The following SRCIN1 variants were observed in gnomAD, a reference collection of about 807,000 sequenced individuals.
SRCIN1 encodes the protein P130Cas-associated protein.
In SRCIN1, 50 loss-of-function variants were observed where a neutral mutation model predicts 116.2. The ratio of observed to expected loss-of-function variants is 0.43; its 90% CI spans 0.34 to 0.54. The LOEUF (loss-of-function observed/expected upper bound fraction) is 0.54, where lower values mean the gene tolerates loss of function less well. SRCIN1 is among the 20% of genes least tolerant of loss of function. The pLI, the probability that SRCIN1 is intolerant of heterozygous loss-of-function variation, is 0.02. For missense variants in SRCIN1, 1,446 were observed against 1,672.0 expected, an observed-to-expected ratio of 0.86 and a Z score of 2.36; for synonymous variants, 736 against 750.0, an observed-to-expected ratio of 0.98 and a Z score of 0.30.
chr17:38,563,950 CGAGA>C lies in SRCIN1; in HGVS notation c.541+164_541+167del. Reference sequence around the variant, plus strand: ...AGGGGTCGGGTGGGGATGCTGAGGGCGAGAGAGAGATGGAGAGAGCTGGGGTTGC... The same window carrying C: ...AGGGGTCGGGTGGGGATGCTGAGGGCGAGAGATGGAGAGAGCTGGGGTTGC... On this transcript the variant is annotated intron_variant, in intron 4 of 18. Transcript: ENST00000617146. This position sits in a 1 kb window ranked among gnomAD's most constrained non-coding sequence, Gnocchi z 5.8. 2 of 739,610 alleles carry C rather than the reference CGAGA, an allele frequency of 2.7e-6. No homozygotes were observed. The highest frequency in any genetic ancestry group is 5.3e-5 in the Admixed American group (2 of 37,744). 45.8% of individuals were successfully genotyped at this position (739,610 alleles called of 1,614,324 possible). A position where few individuals can be genotyped will look rare whatever the true frequency, so the allele number is the denominator to read the frequency against.
rs1192896026 is a variant in SRCIN1, at chr17:38,532,821, C to G, written c.*476G>C. On this transcript the variant is annotated 3_prime_UTR_variant, in exon 19 of 19. Transcript: ENST00000617146. This position sits in a 1 kb window ranked among gnomAD's most constrained non-coding sequence, Gnocchi z 4.3. ...TGTATGGGTTGGTCCGATGTCCCCG[C>G]GTTCCTCCAGGAAGGTATCGAGAAA... The G allele has an allele frequency of 6.5e-6, 1 of 153,212 alleles. No homozygotes were observed. Among genetic ancestry groups the G allele is most frequent in the Non-Finnish European group, 1.5e-5 (1 of 68,860 alleles). 9.5% of individuals were successfully genotyped at this position (153,212 alleles called of 1,614,324 possible). A position where few individuals can be genotyped will look rare whatever the true frequency, so the allele number is the denominator to read the frequency against.
rs1597898533 is a variant in SRCIN1, at chr17:38,556,634, G to T, written c.2201+1593C>A. Reference sequence around the variant, plus strand: ...GAGCTGGGCAGGGAGGGCCTTCATGGCCAGGTTGGAGCCCAGTATCTGCCC... The same window carrying T: ...GAGCTGGGCAGGGAGGGCCTTCATGTCCAGGTTGGAGCCCAGTATCTGCCC... On this transcript the variant is annotated intron_variant, in intron 11 of 18. Transcript: ENST00000617146. Among the ~76,000 whole-genome samples the T allele has an allele frequency of 2.6e-5, 4 of 152,360 alleles. No individual in the cohort carries two copies. In the South Asian group the frequency reaches 8.3e-4, roughly 32 times the overall value.
chr17:38,565,996 G>C (rs1329884824), intron 3 of SRCIN1, among the ~76,000 whole-genome samples: 1 of 152,194 alleles, frequency 6.6e-6, no homozygotes, highest in Non-Finnish European at 1.5e-5. Context: ...CAGCTGAAGG[G>C]CGGGGAGCTC....
At position 38,563,288 on chromosome 17, in the gene SRCIN1, G is replaced by A. The variant is rs1906410137; in HGVS notation, c.740+35C>T. 2.6e-6 allele frequency: 4 copies of A among 1,553,344 alleles called. No homozygotes were observed. The highest frequency in any genetic ancestry group is 3.5e-6 in the Non-Finnish European group (4 of 1,148,290). On this transcript the variant is annotated intron_variant, in intron 5 of 18. Transcript: ENST00000617146. The surrounding 1 kb of genome is among the most constrained non-coding windows in gnomAD (Gnocchi z 5.8). ...GCACCCTGCAGAGGAGGAGCGTGGG[G>A]AAGCCCACCCAAATCCCCCCCGGTC... is the stretch of plus-strand genomic sequence containing the variant.
At chr17:38,578,830 G>C (rs1458905725) in intron 1 of SRCIN1, 39 bp from the exon 2 acceptor site, 3 of 1,450,968 alleles carry the variant, frequency 2.1e-6, no homozygotes, top group Non-Finnish European at 2.7e-6. Flanking sequence ...GTCACGGCGC[G>C]CCCGGCCTGG....
rs545493538 is a variant in SRCIN1 at position 38,572,749 on chromosome 17, G to A, written c.325-4518C>T. The A allele has an allele frequency of 5.9e-5, 9 of 152,654 alleles. No individual in the cohort carries two copies. In the South Asian group the frequency reaches 1.6e-3, roughly 27 times the overall value. The allele number at this position is 152,654 out of a possible 1,614,324, so 9.5% of individuals were successfully genotyped here. A position where few individuals can be genotyped will look rare whatever the true frequency, so the allele number is the denominator to read the frequency against. ...GGAGGGAGGGCCCCTACTCCCACCC[G>A]CCCGGGCTCTTCTCTCCCCCGGCCG... On this transcript the variant is annotated intron_variant, in intron 2 of 18. Coordinates refer to ENST00000617146, the MANE Select transcript of SRCIN1 (RefSeq NM_025248.3). This position sits in a 1 kb window ranked among gnomAD's most constrained non-coding sequence, Gnocchi z 4.3.
Position 38,586,602 on chromosome 17 carries a change from T to A in SRCIN1, c.23-7811A>T, listed in dbSNP as rs552185091. 1.1e-4 allele frequency among the ~76,000 whole-genome samples: 16 copies of A among 152,082 alleles called. 1 individual carries two copies. In the South Asian group the frequency reaches 3.3e-3, roughly 32 times the overall value. On this transcript the variant is annotated intron_variant, in intron 1 of 18. Coordinates refer to ENST00000617146, the MANE Select transcript of SRCIN1 (RefSeq NM_025248.3). ...GCCTATGACCCTGTGGTCTCTTCCA[T>A]CCCCCTGCCCAGGGAATACTGCCAC...
intron 2 of SRCIN1, among the ~76,000 whole-genome samples, chr17:38,571,297 C>T (rs1171865629): frequency 1.3e-5 from 2 of 152,196 alleles, no homozygotes; most frequent in Non-Finnish European, 2.9e-5. Context: ...GTGCCCAGTA[C>T]AGTACCTGGT....
At chr17:38,548,425 C>G in intron 17 of SRCIN1, 132 bp downstream of exon 17, 2 of 1,100,650 alleles carry the variant, frequency 1.8e-6, no homozygotes, top group Non-Finnish European at 2.6e-6. Context: ...AGGCTGGGGT[C>G]TGAACAGCCA....
At chr17:38,586,009 G>A (rs1908094146) in intron 1 of SRCIN1, among the ~76,000 whole-genome samples, 1 of 152,176 alleles carries the variant, frequency 6.6e-6, no homozygotes, top group Admixed American at 6.5e-5. Flanking sequence ...CACTTCAGGA[G>A]AGTCTGCCTG....
intron 2 of SRCIN1, among the ~76,000 whole-genome samples, chr17:38,569,686 C>A (rs1261145163): frequency 6.6e-6 from 1 of 151,688 alleles, no homozygotes; most frequent in African/African-American, 2.4e-5. Flanking sequence ...CAACAACAAC[C>A]AAAAAAAACA....
intron 2 of SRCIN1, among the ~76,000 whole-genome samples, chr17:38,574,577 G>A (rs1231294959): frequency 2.0e-5 from 3 of 152,102 alleles, no homozygotes; most frequent in African/African-American, 4.8e-5. Context: ...GCAAGGTCAG[G>A]GGACTTCTGT....
intron 18 of SRCIN1, 112 bp from the exon 19 acceptor site, chr17:38,533,543 T>C: frequency 1.4e-6 from 1 of 694,004 alleles, no homozygotes; most frequent in East Asian, 7.8e-5. Context: ...GGAAATTAAC[T>C]GCAAAAGGAA....
At chr17:38,554,667 T>C (rs1160266725) in intron 11 of SRCIN1, among the ~76,000 whole-genome samples, 13 of 152,194 alleles carry the variant, frequency 8.5e-5, no homozygotes, top group Non-Finnish European at 4.4e-5. Context: ...CTCCGGTTTC[T>C]AGCACCTGGC....
chr17:38,599,976 ATTGT>A (rs1267006748), intron 1 of SRCIN1, among the ~76,000 whole-genome samples: 21 of 152,168 alleles, frequency 1.4e-4, no homozygotes, highest in South Asian at 4.1e-4. Context: ...CTCATAATTG[ATTGT>A]TTATTATCCC....
At chr17:38,535,064 G>A (rs1327825638) in intron 18 of SRCIN1, among the ~76,000 whole-genome samples, 1 of 152,178 alleles carries the variant, frequency 6.6e-6, no homozygotes, top group Non-Finnish European at 1.5e-5. Context: ...CTCAGGAGGT[G>A]GAAGTGGCAG....
chr17:38,547,591 AG>A (rs763532453), intron 17 of SRCIN1, among the ~76,000 whole-genome samples: 1 of 151,806 alleles, frequency 6.6e-6, no homozygotes, highest in Non-Finnish European at 1.5e-5. Flanking sequence ...CTGTCCTTGG[AG>A]TGGGGGAGGG....
intron 1 of SRCIN1, among the ~76,000 whole-genome samples, chr17:38,583,042 T>C (rs978591411): frequency 7.9e-5 from 12 of 152,298 alleles, no homozygotes; most frequent in Admixed American, 7.8e-4. Flanking sequence ...CCTGGGTGTC[T>C]TAGCAACTTT....
At chr17:38,537,138 AC>A (rs1249279171) in intron 18 of SRCIN1, among the ~76,000 whole-genome samples, 8 of 152,044 alleles carry the variant, frequency 5.3e-5, no homozygotes, top group African/African-American at 1.9e-4. Context: ...AGATCGCACC[AC>A]TGCACTCCAG....
Sources: gnomAD v4.1 joint callset for allele counts (sites outside exome capture counted in the v4.1 genomes callset) on GRCh38, gnomAD v4.1.1 for gene constraint, Gnocchi (gnomAD v3.1) non-coding constraint, MANE v1.5 for transcripts, NCBI Gene and HGNC (gene_info 2026-07-23, HGNC 2026-07-21) for gene names.